ENOX1: variants seen among roughly 807,000 people sequenced by gnomAD.
ENOX1 encodes the protein candidate growth-related and time keeping constitutive hydroquinone (NADH) oxidase.
In ENOX1, 42 loss-of-function variants were observed where a neutral mutation model predicts 82.5. That is an observed-to-expected ratio of 0.51 (90% CI 0.40 to 0.66). ENOX1 has a LOEUF of 0.66. ENOX1 is among the 30% of genes least tolerant of loss of function. The pLI is 0.00. For synonymous variants in ENOX1, 271 were observed against 282.2 expected (o/e 0.96, Z 0.40); for missense variants, 608 against 811.6 (o/e 0.75, Z 3.05).
At chr13:43,392,661 C>G (rs1158513599) in intron 5 of ENOX1, among the ~76,000 whole-genome samples, 1 of 152,220 alleles carries the variant, frequency 6.6e-6, no homozygotes, top group East Asian at 1.9e-4. Context: ...CGCCATTGCA[C>G]TCCAGCCTGG....
intron 3 of ENOX1, among the ~76,000 whole-genome samples, chr13:43,438,243 A>G (rs1260472387): frequency 6.6e-6 from 1 of 152,220 alleles, no homozygotes; most frequent in Non-Finnish European, 1.5e-5. Context: ...TAATTCTTAG[A>G]GAAGTACAGA....
At chr13:43,595,023 G>A (rs1429395150) in intron 2 of ENOX1, among the ~76,000 whole-genome samples, 4 of 151,420 alleles carry the variant, frequency 2.6e-5, no homozygotes, top group African/African-American at 7.3e-5. Flanking sequence ...CAGAGAGGCG[G>A]GTGGAGATCT....
chr13:43,679,480 C>A (rs2085678604), intron 1 of ENOX1, among the ~76,000 whole-genome samples: 1 of 152,208 alleles, frequency 6.6e-6, no homozygotes, highest in South Asian at 2.1e-4. Flanking sequence ...ACACATAATA[C>A]CTACTCAACA....
At chr13:43,341,552 C>A (rs2049061269) in intron 9 of ENOX1, among the ~76,000 whole-genome samples, 1 of 152,082 alleles carries the variant, frequency 6.6e-6, no homozygotes, top group African/African-American at 2.4e-5. Context: ...ATAACTGAAG[C>A]TAAAGAAGTG....
intron 5 of ENOX1, among the ~76,000 whole-genome samples, chr13:43,384,919 C>G (rs2153577755): frequency 6.6e-6 from 1 of 152,188 alleles, no homozygotes; most frequent in East Asian, 1.9e-4. Context: ...TTCCTTGGCC[C>G]CTACTAGGTA....
intron 1 of ENOX1, among the ~76,000 whole-genome samples, chr13:43,693,248 T>C (rs1378588617): frequency 6.6e-6 from 1 of 152,128 alleles, no homozygotes; most frequent in Non-Finnish European, 1.5e-5. Flanking sequence ...ATGTATACTT[T>C]TATAATTAAA....
chr13:43,683,182 G>A (rs1348913178), intron 1 of ENOX1, among the ~76,000 whole-genome samples: 1 of 152,060 alleles, frequency 6.6e-6, no homozygotes, highest in Non-Finnish European at 1.5e-5. Flanking sequence ...TGAGGTTCTG[G>A]CACTTGTCAA....
At chr13:43,279,398 A>G (rs2045245484) in intron 12 of ENOX1, among the ~76,000 whole-genome samples, 1 of 152,144 alleles carries the variant, frequency 6.6e-6, no homozygotes. Flanking sequence ...CAAGCCTTCT[A>G]TCCTTACAAC....
At chr13:43,613,862 C>T (rs755839315) in intron 2 of ENOX1, among the ~76,000 whole-genome samples, 24 of 152,036 alleles carry the variant, frequency 1.6e-4, no homozygotes, top group East Asian at 3.9e-4. Context: ...GCCCCGGAGG[C>T]GGAGGTTGCA....
At chr13:43,778,435 C>A (rs1461286225) in intron 1 of ENOX1, among the ~76,000 whole-genome samples, 2 of 152,134 alleles carry the variant, frequency 1.3e-5, no homozygotes, top group Admixed American at 6.5e-5. Flanking sequence ...CCCCCAGCTA[C>A]CACTCATTCA....
At chr13:43,409,235 A>C (rs76266728) in intron 5 of ENOX1, among the ~76,000 whole-genome samples, 6,916 of 152,208 alleles carry the variant, frequency 0.045, 453 homozygotes, top group African/African-American at 0.14. Context: ...TATTAAGTCC[A>C]TATGTATAGT....
intron 1 of ENOX1, among the ~76,000 whole-genome samples, chr13:43,743,770 A>G (rs181208675): frequency 6.6e-6 from 1 of 152,328 alleles, no homozygotes; most frequent in East Asian, 1.9e-4. Flanking sequence ...TTGTAATGCT[A>G]TAACAGAATA....
chr13:43,669,724 T>C (rs2085164359), intron 1 of ENOX1, among the ~76,000 whole-genome samples: 1 of 152,166 alleles, frequency 6.6e-6, no homozygotes, highest in Non-Finnish European at 1.5e-5. Flanking sequence ...AGCTTAGAAA[T>C]GATAGGAAAA....
chr13:43,484,562 A>G (rs2058620934), intron 2 of ENOX1, among the ~76,000 whole-genome samples: 1 of 152,224 alleles, frequency 6.6e-6, no homozygotes, highest in Non-Finnish European at 1.5e-5. Flanking sequence ...TTTACAGATG[A>G]GAAAAAAATG....
chr13:43,570,215 C>G (rs779611348), intron 2 of ENOX1, among the ~76,000 whole-genome samples: 2 of 152,082 alleles, frequency 1.3e-5, no homozygotes, highest in Non-Finnish European at 2.9e-5. Context: ...GTTTCAAAGT[C>G]CCAGTTAGAT....
intron 2 of ENOX1, among the ~76,000 whole-genome samples, chr13:43,539,541 AC>A (rs1186825197): frequency 6.6e-6 from 1 of 152,118 alleles, no homozygotes; most frequent in Non-Finnish European, 1.5e-5. Flanking sequence ...ATTATGATCA[AC>A]TTTTAATTAT....
intron 14 of ENOX1, among the ~76,000 whole-genome samples, chr13:43,253,410 G>A (rs574675903): frequency 6.6e-6 from 1 of 152,318 alleles, no homozygotes; most frequent in East Asian, 1.9e-4. Context: ...TTGGAGATGA[G>A]CAGTGTGTGA....
chr13:43,323,793 A>G (rs1482881097), intron 10 of ENOX1, among the ~76,000 whole-genome samples: 1 of 152,228 alleles, frequency 6.6e-6, no homozygotes, highest in African/African-American at 2.4e-5. Flanking sequence ...ACTTGTGCCC[A>G]TTTGATGGAC....
chr13:43,684,806 G>C (rs764692666), intron 1 of ENOX1, among the ~76,000 whole-genome samples: 1 of 152,118 alleles, frequency 6.6e-6, no homozygotes, highest in African/African-American at 2.4e-5. Flanking sequence ...CATAGACAGC[G>C]AAAGTTGTGT....
Sources: gnomAD v4.1 joint callset for allele counts (sites outside exome capture counted in the v4.1 genomes callset) on GRCh38, gnomAD v4.1.1 for gene constraint, MANE v1.5 for transcripts, NCBI Gene and HGNC (gene_info 2026-07-23, HGNC 2026-07-21) for gene names.